Variants in RHOU observed in about 807,000 individuals in gnomAD.
RHOU encodes the protein rho-related GTP-binding protein RhoU.
RHOU carries 8 observed loss-of-function variants against 12.6 expected under a neutral mutation model. The ratio of observed to expected loss-of-function variants is 0.64; its 90% confidence interval spans 0.37 to 1.15. The LOEUF (loss-of-function observed/expected upper bound fraction) is 1.15, where lower values mean the gene tolerates loss of function less well. Ranked by LOEUF, RHOU falls within the 50% of genes most tolerant of loss-of-function variation. The pLI is 0.01. For missense variants in RHOU, 258 were observed against 347.0 expected (o/e 0.74, Z 2.04); for synonymous variants, 161 against 147.4 (o/e 1.09, Z -0.67).
the RHOU span, chr1:228,650,308 T>A: frequency 2.2e-6 from 1 of 464,406 alleles, no homozygotes; most frequent in Non-Finnish European, 4.3e-6. Context: ...AGCGGCGGGC[T>A]GGATGGTGCT....
Position 228,743,959 on chromosome 1 carries a change from A to G in RHOU, c.*219A>G. ...CTTATGCAAGATATTTTTGAAGTAA[A>G]TTAAACATTTTTCACATCTCTGGAA... On this transcript the variant is annotated 3_prime_UTR_variant, in exon 3 of 3. Coordinates refer to ENST00000366691, the MANE Select transcript of RHOU (RefSeq NM_021205.6). The surrounding 1 kb of genome is among the most constrained non-coding windows in gnomAD (Gnocchi z 5.1). The G allele has an allele frequency of 2.0e-6, 1 of 492,916 alleles. No homozygotes were observed. The highest frequency in any genetic ancestry group is 3.5e-6 in the Non-Finnish European group (1 of 281,976). 30.5% of individuals were successfully genotyped at this position (492,916 alleles called of 1,614,324 possible).
chr1:228,668,872 C>T, the RHOU span, among the ~76,000 whole-genome samples: 2 of 152,204 alleles, frequency 1.3e-5, no homozygotes, highest in South Asian at 2.1e-4. Context: ...CACTTTTCTC[C>T]TCTTCTGACT....
At chr1:228,725,472 G>A in the RHOU span, among the ~76,000 whole-genome samples, 4 of 152,218 alleles carry the variant, frequency 2.6e-5, no homozygotes, top group Admixed American at 2.0e-4. Flanking sequence ...GCAACCCTGA[G>A]CATCTCCCTT....
chr1:228,683,862 G>A, the RHOU span, among the ~76,000 whole-genome samples: 1 of 152,220 alleles, frequency 6.6e-6, no homozygotes, highest in African/African-American at 2.4e-5. Flanking sequence ...CTGGCTGCCT[G>A]TGCAGCATGG....
chr1:228,707,218 CATAT>C, the RHOU span, among the ~76,000 whole-genome samples: 1 of 53,426 alleles, frequency 1.9e-5, no homozygotes, highest in African/African-American at 8.4e-5. Flanking sequence ...TATATATATA[CATAT>C]ATATATACAT....
chr1:228,648,759 A>G, the RHOU span, among the ~76,000 whole-genome samples: 1 of 151,966 alleles, frequency 6.6e-6, no homozygotes, highest in Non-Finnish European at 1.5e-5. Flanking sequence ...ATTATAATCT[A>G]TTACTTCTAC....
the RHOU span, among the ~76,000 whole-genome samples, chr1:228,674,198 T>C: frequency 8.5e-5 from 13 of 152,230 alleles, no homozygotes; most frequent in African/African-American, 2.7e-4. Context: ...TGGCCATTTT[T>C]CTATTTGTCT....
the RHOU span, among the ~76,000 whole-genome samples, chr1:228,721,402 A>G: frequency 6.6e-6 from 1 of 152,230 alleles, no homozygotes; most frequent in African/African-American, 2.4e-5. Context: ...TTTCTTTCTA[A>G]AGCAGAAACA....
At chr1:228,660,676 G>A in the RHOU span, among the ~76,000 whole-genome samples, 6 of 151,884 alleles carry the variant, frequency 4.0e-5, no homozygotes, top group Non-Finnish European at 8.8e-5. Context: ...GCTCACACCT[G>A]TAATCCTAGC....
chr1:228,669,299 C>A, the RHOU span, among the ~76,000 whole-genome samples: 1 of 152,218 alleles, frequency 6.6e-6, no homozygotes, highest in South Asian at 2.1e-4. Context: ...CAAGCTGCTT[C>A]CTCCCTCCAC....
chr1:228,669,666 T>C, the RHOU span, among the ~76,000 whole-genome samples: 1 of 152,238 alleles, frequency 6.6e-6, no homozygotes, highest in Non-Finnish European at 1.5e-5. Context: ...AGTCTCCTAA[T>C]TCTTAGACCT....
chr1:228,741,738 G>T (rs1459121396), intron 2 of RHOU, among the ~76,000 whole-genome samples: 1 of 152,096 alleles, frequency 6.6e-6, no homozygotes, highest in South Asian at 2.1e-4. Flanking sequence ...AAACTCCAGG[G>T]CTCAAGTGAT....
chr1:228,705,205 C>A, the RHOU span, among the ~76,000 whole-genome samples: 1 of 152,046 alleles, frequency 6.6e-6, no homozygotes, highest in Non-Finnish European at 1.5e-5. Flanking sequence ...TAGGAGCCCT[C>A]ATTTTAAAAT....
chr1:228,702,501 G>A, the RHOU span, among the ~76,000 whole-genome samples: 1 of 152,304 alleles, frequency 6.6e-6, no homozygotes, highest in East Asian at 1.9e-4. Flanking sequence ...TATAGACACT[G>A]AGGACATGTC....
chr1:228,660,354 T>TA, the RHOU span, among the ~76,000 whole-genome samples: 755 of 114,582 alleles, frequency 6.6e-3, 12 homozygotes, highest in African/African-American at 0.016. Flanking sequence ...CCGAAAAAAA[T>TA]AAAAAAAAAA....
At chr1:228,707,908 G>T in the RHOU span, among the ~76,000 whole-genome samples, 1 of 152,048 alleles carries the variant, frequency 6.6e-6, no homozygotes, top group Non-Finnish European at 1.5e-5. Context: ...TGAAAACTTT[G>T]AAAAAAATTT....
At chr1:228,678,103 A>G in the RHOU span, among the ~76,000 whole-genome samples, 5 of 151,980 alleles carry the variant, frequency 3.3e-5, no homozygotes, top group African/African-American at 1.2e-4. Context: ...TAGGGAAGAG[A>G]GGGGGCCTGA....
the RHOU span, among the ~76,000 whole-genome samples, chr1:228,647,591 G>T: frequency 6.6e-6 from 1 of 152,224 alleles, no homozygotes; most frequent in Non-Finnish European, 1.5e-5. Context: ...CGGTTTATAA[G>T]GTTGCGACTG....
At chr1:228,730,569 G>A (rs1226162946), upstream of RHOU, among the ~76,000 whole-genome samples, 1 of 152,186 alleles carries the variant, frequency 6.6e-6, no homozygotes, top group Non-Finnish European at 1.5e-5. Context: ...AACTTTAGCC[G>A]AGAACCATAC....
Sources: gnomAD v4.1 joint callset for allele counts (sites outside exome capture counted in the v4.1 genomes callset) on GRCh38, gnomAD v4.1.1 for gene constraint, Gnocchi (gnomAD v3.1) non-coding constraint, MANE v1.5 for transcripts, NCBI Gene and HGNC (gene_info 2026-07-23, HGNC 2026-07-21) for gene names.